CACNA2D3: variants seen among roughly 807,000 people sequenced by gnomAD.
CACNA2D3 encodes the protein voltage-dependent calcium channel subunit alpha-2/delta-3.
CACNA2D3 carries 60 observed loss-of-function variants against 160.6 expected under a neutral mutation model. That is an observed-to-expected ratio of 0.37 (90% CI 0.30 to 0.46). CACNA2D3 has a LOEUF of 0.46. CACNA2D3 is among the 20% of genes least tolerant of loss of function. The pLI, the probability that CACNA2D3 is intolerant of heterozygous loss-of-function variation, is 1.00. For missense variants in CACNA2D3, 1,205 were observed against 1,365.0 expected (o/e 0.88, Z 1.85); for synonymous variants, 558 against 492.9 (o/e 1.13, Z -1.75).
intron 2 of CACNA2D3, among the ~76,000 whole-genome samples, chr3:54,238,168 T>G (rs1182502828): frequency 6.6e-6 from 1 of 152,248 alleles, no homozygotes; most frequent in Admixed American, 6.5e-5. Context: ...TTACATGTTA[T>G]TAAATTTTTT....
chr3:54,158,845 A>G (rs1008484658), intron 2 of CACNA2D3, among the ~76,000 whole-genome samples: 6 of 152,230 alleles, frequency 3.9e-5, no homozygotes, highest in African/African-American at 1.2e-4. Context: ...GATGGTCATT[A>G]GTTTACAAAT....
chr3:54,368,317 C>G (rs1249371887), intron 3 of CACNA2D3, among the ~76,000 whole-genome samples: 2 of 152,120 alleles, frequency 1.3e-5, no homozygotes, highest in Non-Finnish European at 2.9e-5. Context: ...AACAAACAAA[C>G]AAACAAAACC....
chr3:54,942,069 A>G (rs969951279), intron 27 of CACNA2D3, among the ~76,000 whole-genome samples: 7 of 152,210 alleles, frequency 4.6e-5, no homozygotes, highest in African/African-American at 1.7e-4. Flanking sequence ...TCACATAGGA[A>G]CTTCAAATAG....
rs1304568095 is a variant in CACNA2D3, at chr3:54,425,582, C to T, written c.381+38808C>T. Among the ~76,000 whole-genome samples, 3 of 152,328 alleles carry T rather than the reference C, an allele frequency of 2.0e-5. No homozygotes were observed. In the East Asian group the frequency reaches 5.8e-4, roughly 29 times the overall value. On this transcript the variant is annotated intron_variant, in intron 4 of 37. Transcript: ENST00000474759. ...TCCTCTCTCCAACCCTCAGCTCTACCCCACCTGAACACCTGAGGATACCAG... is the reference window on the plus strand; with the variant it reads ...TCCTCTCTCCAACCCTCAGCTCTACTCCACCTGAACACCTGAGGATACCAG...
chr3:54,805,570 A>C (rs1703099568), intron 13 of CACNA2D3, among the ~76,000 whole-genome samples: 1 of 152,330 alleles, frequency 6.6e-6, no homozygotes, highest in South Asian at 2.1e-4. Context: ...ATAGCTTACC[A>C]ACCAAAAAGA....
At chr3:54,518,680 A>G (rs1208782368) in intron 5 of CACNA2D3, among the ~76,000 whole-genome samples, 2 of 152,190 alleles carry the variant, frequency 1.3e-5, no homozygotes. Context: ...AGCTCATTCT[A>G]AGGAGTTCGA....
chr3:54,249,698 C>CACACACACACA (rs1559895839), intron 2 of CACNA2D3, among the ~76,000 whole-genome samples: 1 of 149,732 alleles, frequency 6.7e-6, no homozygotes, highest in Non-Finnish European at 1.5e-5. Context: ...CACACACACA[C>CACACACACACA]CCCTCATCCT....
rs796627246 is a variant in CACNA2D3, at chr3:54,463,987, C to A, written c.382-39505C>A. On this transcript the variant is annotated intron_variant, in intron 4 of 37. Coordinates refer to ENST00000474759, the MANE Select transcript of CACNA2D3 (RefSeq NM_018398.3). ...TTTCTGTTTGTTAGTTTTCCTTCTA[C>A]CATACAGGACCCTCAGCTGCAGGTC... 9.9e-5 allele frequency among the ~76,000 whole-genome samples: 15 copies of A among 152,268 alleles called. 1 individual carries two copies. In the South Asian group the frequency reaches 1.0e-3, roughly 11 times the overall value.
chr3:54,573,677 A>T (rs1965458), intron 8 of CACNA2D3, among the ~76,000 whole-genome samples: 1 of 152,032 alleles, frequency 6.6e-6, no homozygotes, highest in Non-Finnish European at 1.5e-5. Context: ...TATGCACCAA[A>T]GGGTATACAC....
At chr3:54,439,862 C>A (rs113844961) in intron 4 of CACNA2D3, among the ~76,000 whole-genome samples, 11 of 152,178 alleles carry the variant, frequency 7.2e-5, no homozygotes, top group Non-Finnish European at 1.5e-5. Context: ...CCCTCCCTGC[C>A]CCACAACTGT....
intron 3 of CACNA2D3, among the ~76,000 whole-genome samples, chr3:54,337,718 A>G (rs1317569130): frequency 6.6e-6 from 1 of 152,070 alleles, no homozygotes; most frequent in Non-Finnish European, 1.5e-5. Context: ...CTCCCCGTTA[A>G]TAAGCCAGCC....
intron 8 of CACNA2D3, among the ~76,000 whole-genome samples, chr3:54,579,247 A>G (rs994233447): frequency 6.6e-6 from 1 of 152,210 alleles, no homozygotes; most frequent in Admixed American, 6.5e-5. Flanking sequence ...GGCATCTGAT[A>G]ATGTCATGTA....
Position 54,182,467 on chromosome 3 carries a change from G to T in CACNA2D3, c.204+58873G>T, listed in dbSNP as rs146741691. ...CCGCTCGTCACTGGCATAAATAAAT[G>T]CATTCCTTCCTATTGGGCAGATGGG... On this transcript the variant is annotated intron_variant, in intron 2 of 37. Coordinates refer to ENST00000474759, the MANE Select transcript of CACNA2D3 (RefSeq NM_018398.3). 6.2e-4 allele frequency among the ~76,000 whole-genome samples: 95 copies of T among 152,266 alleles called. 1 individual carries two copies. Among genetic ancestry groups the T allele is most frequent in the African/African-American group, 2.2e-3 (91 of 41,556 alleles).
chr3:54,796,452 G>C (rs191674033), intron 13 of CACNA2D3, among the ~76,000 whole-genome samples: 2 of 152,284 alleles, frequency 1.3e-5, no homozygotes, highest in Admixed American at 6.5e-5. Flanking sequence ...TGTGCACAAA[G>C]AGAACTAATA....
intron 31 of CACNA2D3, among the ~76,000 whole-genome samples, chr3:54,999,919 G>C (rs1214652694): frequency 6.6e-6 from 1 of 152,198 alleles, no homozygotes; most frequent in Non-Finnish European, 1.5e-5. Context: ...GGCTTTGTTT[G>C]TATTGCTTTG....
At chr3:54,344,258 G>C (rs1207299995) in intron 3 of CACNA2D3, among the ~76,000 whole-genome samples, 1 of 152,136 alleles carries the variant, frequency 6.6e-6, no homozygotes, top group Non-Finnish European at 1.5e-5. Context: ...AGCAGGGAGT[G>C]CTTCATCACC....
At chr3:54,586,189 G>A (rs958293525) in intron 9 of CACNA2D3, among the ~76,000 whole-genome samples, 3 of 150,950 alleles carry the variant, frequency 2.0e-5, no homozygotes, top group South Asian at 2.1e-4. Flanking sequence ...ACTTGAACCC[G>A]GGAGGTGGAG....
At chr3:54,474,475 C>T (rs1700793301) in intron 4 of CACNA2D3, among the ~76,000 whole-genome samples, 2 of 152,090 alleles carry the variant, frequency 1.3e-5, no homozygotes, top group Non-Finnish European at 2.9e-5. Flanking sequence ...TGCAGCAAAC[C>T]ACTATGGCAC....
intron 35 of CACNA2D3, among the ~76,000 whole-genome samples, chr3:55,054,508 A>G (rs1200672291): frequency 6.6e-6 from 1 of 151,392 alleles, no homozygotes; most frequent in Non-Finnish European, 1.5e-5. Context: ...TCATTTATAT[A>G]GTTTACATAT....
Sources: gnomAD v4.1 joint callset for allele counts (sites outside exome capture counted in the v4.1 genomes callset) on GRCh38, gnomAD v4.1.1 for gene constraint, MANE v1.5 for transcripts, NCBI Gene and HGNC (gene_info 2026-07-23, HGNC 2026-07-21) for gene names.